KLHL5: variants seen among roughly 807,000 people sequenced by gnomAD.
KLHL5 encodes kelch-like protein 5.
KLHL5 carries 48 observed loss-of-function variants against 77.7 expected under a neutral mutation model. That is an observed-to-expected ratio of 0.62 (90% confidence interval 0.49 to 0.79). KLHL5 has a LOEUF of 0.79. Ranked by LOEUF, KLHL5 falls within the 30% of genes least tolerant of loss-of-function variation. The probability of loss-of-function intolerance (pLI) is 0.00; values close to 1 mark genes in which losing one functional copy is unlikely to be tolerated. For missense variants in KLHL5, 723 were observed against 859.7 expected (o/e 0.84, Z 1.99); for synonymous variants, 260 against 297.0 (o/e 0.88, Z 1.28).
rs1211788640 is a variant in KLHL5 at position 39,045,202 on chromosome 4, GC to G, written c.-95+107del. 7.1e-6 allele frequency: 7 copies of G among 980,536 alleles called. No homozygotes were observed. The Admixed American group carries it at 4.3e-4, about 61-fold the overall frequency. The allele number at this position is 980,536 out of a possible 1,614,324, so 60.7% of individuals were successfully genotyped here. A position where few individuals can be genotyped will look rare whatever the true frequency, so the allele number is the denominator to read the frequency against. ...GCCCCGCTGCGGCCTCCCGGAGCGC[GC>G]GGGGCGCGAAGACGCTGCCCCTCCC... On this transcript the variant is annotated intron_variant, in intron 1 of 11. Coordinates refer to the KLHL5 transcript ENST00000261425.
intron 2 of KLHL5, among the ~76,000 whole-genome samples, chr4:39,079,735 A>T (rs535081036): frequency 6.6e-6 from 1 of 152,316 alleles, no homozygotes; most frequent in East Asian, 1.9e-4. Context: ...CCATAAGAGA[A>T]GGGATCTTTT....
Position 39,113,141 on chromosome 4 carries a change from G to A in KLHL5, c.1810G>A (p.Val604Met). ...QMSKRRGGVG[V>M]TTWNGLLYAI... Reference sequence around the variant, plus strand: ...GTCAAAAAGGAGAGGTGGCGTAGGAGTGACGACCTGGAATGGACTGCTGTA... The same window carrying A: ...GTCAAAAAGGAGAGGTGGCGTAGGAATGACGACCTGGAATGGACTGCTGTA... The change falls in exon 9 of 11, where the codon GTG becomes ATG. Residue 604 changes from valine (V) to methionine (M), a missense_variant. Transcript: ENST00000504108. 1 of 1,614,138 alleles carries A rather than the reference G, an allele frequency of 6.2e-7. No individual in the cohort carries two copies. Among genetic ancestry groups the A allele is most frequent in the Non-Finnish European group, 8.5e-7 (1 of 1,179,984 alleles).
intron 1 of KLHL5, among the ~76,000 whole-genome samples, chr4:39,055,145 G>A (rs1385631048): frequency 2.0e-5 from 3 of 152,224 alleles, no homozygotes; most frequent in African/African-American, 7.2e-5. Flanking sequence ...AGCAGGGCCT[G>A]TCAAAGGCCA....
chr4:39,049,531 A>C (rs1716468427), intron 1 of KLHL5, among the ~76,000 whole-genome samples: 1 of 151,946 alleles, frequency 6.6e-6, no homozygotes, highest in South Asian at 2.1e-4. Flanking sequence ...ACAAAAAATA[A>C]ATAAAATTAG....
Position 39,107,207 on chromosome 4 carries a change from CT to C in KLHL5, c.1526-361del, listed in dbSNP as rs528708811. 1.5e-3 allele frequency among the ~76,000 whole-genome samples: 221 copies of C among 152,188 alleles called. 1 individual carries two copies. The highest frequency in any genetic ancestry group is 5.2e-3 in the African/African-American group (215 of 41,512). On this transcript the variant is annotated intron_variant, in intron 7 of 10. Transcript: ENST00000504108. Reference sequence around the variant, plus strand: ...GGATTACAGGTGCCCGCCACCATGCCTGGCTAATTTTTGTATTTTTAGTAGA... The same window carrying C: ...GGATTACAGGTGCCCGCCACCATGCCGGCTAATTTTTGTATTTTTAGTAGA...
intron 6 of KLHL5, among the ~76,000 whole-genome samples, chr4:39,101,720 A>G (rs1203107792): frequency 6.6e-6 from 1 of 151,572 alleles, no homozygotes; most frequent in Non-Finnish European, 1.5e-5. Context: ...GTGGTGGTAC[A>G]TACCTGTAAT....
chr4:39,093,099 A>G, intron 5 of KLHL5: 1 of 456,014 alleles, frequency 2.2e-6, no homozygotes, highest in Non-Finnish European at 4.4e-6. Context: ...GAAGCAACCT[A>G]AGAAGCATCC....
At chr4:39,091,796 G>C (rs555608909) in intron 5 of KLHL5, among the ~76,000 whole-genome samples, 4 of 148,500 alleles carry the variant, frequency 2.7e-5, no homozygotes, top group African/African-American at 1.0e-4. Context: ...TCAGCCTCTC[G>C]AGTAGCTGAG....
intron 6 of KLHL5, among the ~76,000 whole-genome samples, chr4:39,102,335 C>G (rs1577720762): frequency 1.4e-5 from 2 of 146,258 alleles, no homozygotes; most frequent in African/African-American, 5.1e-5. Flanking sequence ...AACATCTGCT[C>G]ATCTTAACTC....
At chr4:39,065,754 A>G (rs922978862) in intron 1 of KLHL5, among the ~76,000 whole-genome samples, 2 of 114,378 alleles carry the variant, frequency 1.7e-5, no homozygotes, top group Admixed American at 1.0e-4. Context: ...TGAGCATACT[A>G]CAGATTGATA....
chr4:39,048,638 C>CTTTTTTTTTTTTTTT (rs34713116), intron 1 of KLHL5, among the ~76,000 whole-genome samples: 25 of 79,142 alleles, frequency 3.2e-4, no homozygotes, highest in African/African-American at 1.3e-3. Context: ...TTTACATTGG[C>CTTTTTTTTTTTTTTT]TTTTTTTTTT....
At chr4:39,060,259 C>T (rs183905572), upstream of KLHL5, among the ~76,000 whole-genome samples, 6 of 152,158 alleles carry the variant, frequency 3.9e-5, no homozygotes, top group African/African-American at 1.4e-4. Flanking sequence ...GATTTATAAA[C>T]ATGGAGAGAG....
chr4:39,090,697 C>T (rs1021765122), intron 5 of KLHL5, among the ~76,000 whole-genome samples: 1 of 152,122 alleles, frequency 6.6e-6, no homozygotes, highest in Non-Finnish European at 1.5e-5. Flanking sequence ...GATCCACCCA[C>T]CTCGGCCTCC....
chr4:39,065,554 A>G (rs1441284677), intron 1 of KLHL5, among the ~76,000 whole-genome samples: 1 of 151,936 alleles, frequency 6.6e-6, no homozygotes, highest in Non-Finnish European at 1.5e-5. Flanking sequence ...CTGTTTCACC[A>G]TGTTGGCCAG....
chr4:39,045,295 C>G (rs916449082), intron 1 of KLHL5, among the ~76,000 whole-genome samples: 15 of 150,332 alleles, frequency 1.0e-4, no homozygotes, highest in African/African-American at 3.4e-4. Context: ...CACACCGCGC[C>G]CGGGGCTCGA....
intron 8 of KLHL5, chr4:39,112,810 TTTTCC>T (rs1722542901): frequency 2.0e-6 from 1 of 512,172 alleles, no homozygotes; most frequent in African/African-American, 1.9e-5. Flanking sequence ...GTGCAGTTTG[TTTTCC>T]TTTTCATGTA....
At chr4:39,073,344 A>C (rs1368002701) in intron 1 of KLHL5, among the ~76,000 whole-genome samples, 1 of 151,826 alleles carries the variant, frequency 6.6e-6, no homozygotes, top group Non-Finnish European at 1.5e-5. Flanking sequence ...TTCAGAACTT[A>C]ACATTGATTA....
At position 39,125,678 on chromosome 4, in the gene KLHL5, T is replaced by C. The variant is rs1298089163; in HGVS notation, c.*4612T>C. ...ATGGAGACAGAAAGCAGATAAATGG[T>C]TGTAAGAAGCTGAGAGAAAGGAGTG... On this transcript the variant is annotated 3_prime_UTR_variant, in exon 11 of 11. Coordinates refer to ENST00000504108, the MANE Select transcript of KLHL5 (RefSeq NM_015990.5). Among the ~76,000 whole-genome samples, 1 of 152,032 alleles carries C rather than the reference T, an allele frequency of 6.6e-6. No individual in the cohort carries two copies. The highest frequency in any genetic ancestry group is 1.5e-5 in the Non-Finnish European group (1 of 67,990).
At chr4:39,107,050 CTT>C (rs768968144) in intron 7 of KLHL5, among the ~76,000 whole-genome samples, 2 of 82,610 alleles carry the variant, frequency 2.4e-5, no homozygotes, top group East Asian at 3.4e-4. Flanking sequence ...TTTTTTTTTT[CTT>C]TTTTTTTTTT....
Sources: gnomAD v4.1 joint callset for allele counts (sites outside exome capture counted in the v4.1 genomes callset) on GRCh38, gnomAD v4.1.1 for gene constraint, MANE v1.5 for transcripts, NCBI Gene and HGNC (gene_info 2026-07-23, HGNC 2026-07-21) for gene names.